IL12RB1: variants seen among roughly 807,000 people sequenced by gnomAD.
The protein encoded by IL12RB1 is interleukin-12 receptor subunit beta-1.
In IL12RB1, 64 loss-of-function variants were observed where a neutral mutation model predicts 94.4. That is an observed-to-expected ratio of 0.68 (90% CI 0.55 to 0.83). The LOEUF (loss-of-function observed/expected upper bound fraction) is 0.83. Among genes scored for constraint, IL12RB1 ranks in the 40% least tolerant of loss-of-function variants. IL12RB1 has a pLI of 0.00. For synonymous variants in IL12RB1, 362 were observed against 355.5 expected (o/e 1.02, Z -0.21); for missense variants, 814 against 855.6 (o/e 0.95, Z 0.61).
chr19:18,080,532 C>T (rs1448907592), intron 4 of IL12RB1, among the ~76,000 whole-genome samples: 2 of 152,032 alleles, frequency 1.3e-5, no homozygotes, highest in East Asian at 1.9e-4. Flanking sequence ...CCACCGCACC[C>T]GGCAAAATAC....
chr19:18,078,687 G>T (rs975251922), intron 4 of IL12RB1, among the ~76,000 whole-genome samples: 1 of 151,600 alleles, frequency 6.6e-6, no homozygotes, highest in Non-Finnish European at 1.5e-5. Context: ...TTCTTTTTTT[G>T]TTTGTTTGTT....
chr19:18,080,794 T>C (rs769090297), intron 4 of IL12RB1, 38 bp downstream of exon 4: 20 of 1,448,730 alleles, frequency 1.4e-5, no homozygotes, highest in Non-Finnish European at 1.8e-5. Flanking sequence ...ATGGCCTCTC[T>C]GGGTAAAAAA....
Position 18,077,592 on chromosome 19 carries a change from TC to T in IL12RB1, c.472del (p.Glu158SerfsTer45). ...AACCTGGTTATCCGGGGTCTCCCACTCCATACGCAGCTGCCCGGCCAACTTG... is the reference window on the plus strand; with the variant it reads ...AACCTGGTTATCCGGGGTCTCCCACTCATACGCAGCTGCCCGGCCAACTTG... ...VSKLAGQLRM[E>X]WETPDNQVGA... On this transcript the variant is annotated frameshift_variant, in exon 5 of 17. Transcript: ENST00000593993. LOFTEE classifies it high-confidence loss of function. 6.2e-7 allele frequency: 1 copy of T among 1,603,222 alleles called. No individual in the cohort carries two copies. The highest frequency in any genetic ancestry group is 8.5e-7 in the Non-Finnish European group (1 of 1,170,220).
At chr19:18,064,692 T>G (rs1046167256) in intron 12 of IL12RB1, among the ~76,000 whole-genome samples, 3 of 151,956 alleles carry the variant, frequency 2.0e-5, no homozygotes, top group Non-Finnish European at 2.9e-5. Flanking sequence ...CAGGCTGGTC[T>G]TGAACTCCTG....
chr19:18,075,462 T>G (rs1246035753), intron 7 of IL12RB1, among the ~76,000 whole-genome samples: 1 of 151,930 alleles, frequency 6.6e-6, no homozygotes, highest in Non-Finnish European at 1.5e-5. Flanking sequence ...GGTTTCACCA[T>G]GTTGGCCAGG....
upstream of IL12RB1, among the ~76,000 whole-genome samples, chr19:18,091,249 CG>C (rs1316381281): frequency 2.6e-5 from 4 of 152,234 alleles, no homozygotes; most frequent in African/African-American, 9.6e-5. Context: ...TCCTTCCCTC[CG>C]TCTCTAGGCC....
At chr19:18,080,788 CCT>C (rs762236917) in intron 4 of IL12RB1, 42 bp downstream of exon 4, 14 of 1,339,668 alleles carry the variant, frequency 1.0e-5, no homozygotes, top group African/African-American at 7.2e-5. Context: ...AGCCTGATGG[CCT>C]CTCTGGGTAA....
chr19:18,074,875 C>A (rs1178771030), intron 7 of IL12RB1, among the ~76,000 whole-genome samples: 1 of 151,914 alleles, frequency 6.6e-6, no homozygotes, highest in Non-Finnish European at 1.5e-5. Flanking sequence ...CATGGTGAAA[C>A]CCCGTCTCTA....
At chr19:18,096,073 A>G (rs1354059238) in intron 1 of IL12RB1, among the ~76,000 whole-genome samples, 1 of 151,872 alleles carries the variant, frequency 6.6e-6, no homozygotes, top group East Asian at 1.9e-4. Context: ...AAAAAACCCA[A>G]AAAAATTAGC....
chr19:18,085,211 A>C (rs140721550), intron 1 of IL12RB1, among the ~76,000 whole-genome samples: 19 of 152,184 alleles, frequency 1.2e-4, no homozygotes, highest in African/African-American at 4.6e-4. Context: ...GGCAGATTGG[A>C]AGCCTTGGGG....
intron 9 of IL12RB1, among the ~76,000 whole-genome samples, chr19:18,070,006 C>T (rs957404140): frequency 6.6e-6 from 1 of 152,124 alleles, no homozygotes; most frequent in African/African-American, 2.4e-5. Flanking sequence ...ACCTCAGCCT[C>T]CCGGGTTCAA....
At chr19:18,098,876 G>A (rs2037278214) in exon 1 of IL12RB1, 2 of 451,804 alleles carry the variant, frequency 4.4e-6, no homozygotes, top group Non-Finnish European at 4.4e-6. Context: ...AGACGCCAGA[G>A]CAGCGGTGAC....
At chr19:18,097,559 C>T (rs1568536868) in intron 1 of IL12RB1, among the ~76,000 whole-genome samples, 3 of 152,310 alleles carry the variant, frequency 2.0e-5, no homozygotes, top group East Asian at 3.9e-4. Context: ...CAAAATGGGG[C>T]TGAACGATGC....
intron 10 of IL12RB1, among the ~76,000 whole-genome samples, chr19:18,069,308 G>A (rs756141852): frequency 2.2e-4 from 33 of 152,236 alleles, no homozygotes; most frequent in Admixed American, 2.0e-4. Context: ...TTCATTACCT[G>A]TATGTGTGTG....
At chr19:18,061,071 C>T in intron 15 of IL12RB1, 51 bp downstream of exon 15, 1 of 946,366 alleles carries the variant, frequency 1.1e-6, no homozygotes, top group Non-Finnish European at 1.7e-6. Context: ...TAACCCTTGT[C>T]CAGCATGTGC....
At chr19:18,068,329 A>C (rs2034744127) in intron 11 of IL12RB1, 60 bp downstream of exon 11, 2 of 1,397,656 alleles carry the variant, frequency 1.4e-6, no homozygotes, top group Non-Finnish European at 1.9e-6. Context: ...CCCAGCCTCT[A>C]TTTTTTTAAA....
At chr19:18,094,709 C>T (rs968970799) in intron 1 of IL12RB1, among the ~76,000 whole-genome samples, 3 of 152,004 alleles carry the variant, frequency 2.0e-5, no homozygotes, top group African/African-American at 7.2e-5. Context: ...ACAAAAAATA[C>T]AAAAAATTAG....
chr19:18,086,789 A>T lies in IL12RB1; in HGVS notation c.35T>A (p.Leu12His). The T allele has an allele frequency of 2.5e-6, 4 of 1,612,162 alleles. No homozygotes were observed. Among genetic ancestry groups the T allele is most frequent in the Non-Finnish European group, 3.4e-6 (4 of 1,179,518 alleles). The change falls in exon 1 of 17, where the codon CTC (leucine) becomes CAC (histidine). Residue 12 changes from leucine (L) to histidine (H), a missense_variant. Leu to His is a moderately conservative substitution (Grantham distance 99). Transcript: ENST00000593993. ...EPLVTWVVPL[L>H]FLFLLSRQGA... ...CTGCCTGGACAGCAGGAAGAGGAAG[A>T]GGAGGGGGACCACCCAGGTCACCAG...
At chr19:18,082,336 G>A (rs2035975042) in intron 2 of IL12RB1, 72 bp from the exon 3 acceptor site, 2 of 851,072 alleles carry the variant, frequency 2.3e-6, no homozygotes, top group Non-Finnish European at 4.0e-6. Flanking sequence ...ACAAATCTTT[G>A]TGATGCTTAC....
Sources: gnomAD v4.1 joint callset for allele counts (sites outside exome capture counted in the v4.1 genomes callset) on GRCh38, gnomAD v4.1.1 for gene constraint, MANE v1.5 for transcripts, NCBI Gene and HGNC (gene_info 2026-07-23, HGNC 2026-07-21) for gene names.